Variants in LDB3 observed in about 807,000 individuals in gnomAD.
LDB3 encodes the protein LIM domain binding 3, also known as LIM domain-binding protein 3.
In LDB3, 49 loss-of-function variants were observed where a neutral mutation model predicts 69.0. That is an observed-to-expected ratio of 0.71 (90% CI 0.56 to 0.90). The LOEUF is 0.90. Ranked by LOEUF, LDB3 falls within the 40% of genes least tolerant of loss-of-function variation. The pLI, the probability that LDB3 is intolerant of heterozygous loss-of-function variation, is 0.00. For synonymous variants in LDB3, 387 were observed against 396.2 expected (o/e 0.98, Z 0.28); for missense variants, 928 against 974.1 (o/e 0.95, Z 0.63).
rs200796750 is a variant in LDB3, at chr10:86,706,683, C to T, written c.1049C>T (p.Thr350Ile). ...CACACTGCCATCGCCTCCGCCTCCA[C>T]CACAGCCCCTGCTTCAAGTCCTGCC... Reference protein sequence around the residue: ...AAHTAIASASTTAPASSPADS... With the variant: ...AAHTAIASASITAPASSPADS... The change falls in exon 8 of 14, where the codon ACC becomes ATC. Residue 350 changes from threonine (T) to isoleucine (I), a missense_variant. Transcript: ENST00000361373. 1.6e-4 allele frequency: 258 copies of T among 1,612,808 alleles called. No individual in the cohort carries two copies. The highest frequency in any genetic ancestry group is 2.1e-4 in the Non-Finnish European group (249 of 1,179,806).
chr10:86,682,943 C>CCCA (rs1382013395), intron 5 of LDB3, among the ~76,000 whole-genome samples: 1 of 152,034 alleles, frequency 6.6e-6, no homozygotes, highest in African/African-American at 2.4e-5. Flanking sequence ...GCTTCCCCAC[C>CCCA]CCCCCAGCTC....
rs374336814 is a variant in LDB3 at position 86,692,566 on chromosome 10, G to T, written c.891G>T (p.Arg297Ser). 9 of 1,614,062 alleles carry T rather than the reference G, an allele frequency of 5.6e-6. No homozygotes were observed. Among genetic ancestry groups the T allele is most frequent in the Middle Eastern group, 1.6e-4 (1 of 6,084 alleles). Residue 297 changes from arginine to serine, a missense_variant, in exon 7 of 14, where the codon AGG (arginine) becomes AGT (serine). By Grantham distance (110) the Arg-to-Ser change is moderately radical. Coordinates refer to ENST00000361373, the MANE Select transcript of LDB3 (RefSeq NM_007078.3). ...ACCCTGATGAAGAAGCTCTGCGAAG[G>T]TCAAGGTAAGTGCCTGGACTCAGGC... is the stretch of plus-strand genomic sequence containing the variant. ...MQDPDEEALR[R>S]SSTPIEHAPV...
intron 9 of LDB3, chr10:86,710,301 T>A: frequency 2.8e-5 from 27 of 975,296 alleles, no homozygotes; most frequent in Non-Finnish European, 3.3e-5. Context: ...CAGAGAAGTC[T>A]TCTCCGGACC....
At chr10:86,688,082 T>A (rs1285868263) in intron 5 of LDB3, among the ~76,000 whole-genome samples, 1 of 143,846 alleles carries the variant, frequency 7.0e-6, no homozygotes, top group East Asian at 2.2e-4. Flanking sequence ...TGTGTGTGTG[T>A]GTATGTGTCT....
intron 13 of LDB3, among the ~76,000 whole-genome samples, chr10:86,726,893 G>C (rs965470120): frequency 6.6e-6 from 1 of 152,128 alleles, no homozygotes; most frequent in African/African-American, 2.4e-5. Flanking sequence ...TGAGGGTTTT[G>C]GGTTGGGGTG....
chr10:86,689,555 C>A (rs572513662), intron 5 of LDB3, among the ~76,000 whole-genome samples: 21 of 152,360 alleles, frequency 1.4e-4, no homozygotes, highest in African/African-American at 4.8e-4. Context: ...TACCTGTGTT[C>A]TTCTTGCCGT....
rs369951995 is a variant in LDB3, at chr10:86,695,855, G to T, written c.896+3284G>T. 5.9e-5 allele frequency among the ~76,000 whole-genome samples: 9 copies of T among 152,172 alleles called. No individual in the cohort carries two copies. The South Asian group carries it at 1.4e-3, about 25-fold the overall frequency. On this transcript the variant is annotated intron_variant, in intron 7 of 13. Transcript: ENST00000361373. ...GCGAGGCATCTGGATCCCACTGCTG[G>T]GGGGAACTATCCAGGATGTAGCCCA... is the stretch of plus-strand genomic sequence containing the variant.
At chr10:86,710,856 C>A (rs1017538973) in intron 9 of LDB3, among the ~76,000 whole-genome samples, 3 of 152,240 alleles carry the variant, frequency 2.0e-5, no homozygotes, top group African/African-American at 7.2e-5. Context: ...GTGCCACGGC[C>A]TGCTCTGCTC....
At position 86,685,682 on chromosome 10, in the gene LDB3, T is replaced by G. The variant is rs2132390366; in HGVS notation, c.689+3879T>G. Reference sequence around the variant, plus strand: ...CTTTGCCCTTTTCCTCCCCAGGTGGTAGTCAACTCTCCAGCCAAGTTAGTA... The same window carrying G: ...CTTTGCCCTTTTCCTCCCCAGGTGGGAGTCAACTCTCCAGCCAAGTTAGTA... On this transcript the variant is annotated intron_variant, in intron 5 of 13. Transcript: ENST00000361373. 1.2e-6 allele frequency: 2 copies of G among 1,614,136 alleles called. No individual in the cohort carries two copies. The highest frequency in any genetic ancestry group is 1.7e-6 in the Non-Finnish European group (2 of 1,180,010).
chr10:86,692,557 T>C lies in LDB3; in HGVS notation c.882T>C (p.Ala294=). 1 of 1,614,236 alleles carries C rather than the reference T, an allele frequency of 6.2e-7. No homozygotes were observed. The highest frequency in any genetic ancestry group is 8.5e-7 in the Non-Finnish European group (1 of 1,180,022). The change falls in exon 7 of 14, where the codon GCT becomes GCC. Residue 294 remains alanine, a synonymous_variant. Transcript: ENST00000361373. ...CAGTGCAAGACCCTGATGAAGAAGCTCTGCGAAGGTCAAGGTAAGTGCCTG... is the reference window on the plus strand; with the variant it reads ...CAGTGCAAGACCCTGATGAAGAAGCCCTGCGAAGGTCAAGGTAAGTGCCTG... ...TEFMQDPDEE[A]LRRSSTPIEH...
intron 2 of LDB3, among the ~76,000 whole-genome samples, chr10:86,671,082 C>T (rs192356648): frequency 1.6e-4 from 25 of 152,240 alleles, no homozygotes; most frequent in African/African-American, 6.0e-4. Context: ...GGACCTGAGC[C>T]TGTGCCATAG....
Position 86,716,638 on chromosome 10 carries a change from C to T in LDB3, c.1543C>T (p.Pro515Ser), listed in dbSNP as rs1413862843. ...STTSISKQTL[P>S]RGGPAYTPAG... ...CACCTCCATCAGCAAGCAGACCCTG[C>T]CCCGGGGAGGCCCAGCCTACACCCC... is the stretch of plus-strand genomic sequence containing the variant. Residue 515 changes from proline (P) to serine (S), a missense_variant, in exon 10 of 14, where the codon CCC becomes TCC. By Grantham distance (74) the Pro-to-Ser change is moderately conservative. Transcript: ENST00000361373. The T allele has an allele frequency of 1.2e-6, 2 of 1,613,876 alleles. No homozygotes were observed. Among genetic ancestry groups the T allele is most frequent in the African/African-American group, 1.3e-5 (1 of 74,864 alleles).
chr10:86,697,309 C>T (rs984360090), intron 7 of LDB3, among the ~76,000 whole-genome samples: 8 of 149,832 alleles, frequency 5.3e-5, no homozygotes, highest in Non-Finnish European at 1.2e-4. Flanking sequence ...GCAACCTCCA[C>T]CACCCAGGCT....
At chr10:86,677,055 G>C (rs1239153352) in intron 2 of LDB3, among the ~76,000 whole-genome samples, 3 of 152,244 alleles carry the variant, frequency 2.0e-5, no homozygotes, top group African/African-American at 7.2e-5. Context: ...GCCCAGAGAA[G>C]CCCAGAGGAC....
intron 13 of LDB3, chr10:86,732,373 T>C (rs937763680): frequency 2.7e-6 from 1 of 371,182 alleles, no homozygotes. Flanking sequence ...CATTTGATTT[T>C]ATTCTGTTCT....
chr10:86,728,187 G>A (rs1377316052), intron 13 of LDB3, among the ~76,000 whole-genome samples: 1 of 152,118 alleles, frequency 6.6e-6, no homozygotes, highest in Non-Finnish European at 1.5e-5. Context: ...TGCACATCTG[G>A]TTACCCAACT....
chr10:86,713,950 G>C (rs972480095), intron 9 of LDB3, among the ~76,000 whole-genome samples: 2 of 152,148 alleles, frequency 1.3e-5, no homozygotes, highest in African/African-American at 4.8e-5. Flanking sequence ...GGCGCTACCA[G>C]TCTAACTGGG....
Position 86,716,426 on chromosome 10 carries a change from C to T in LDB3, c.1331C>T (p.Ala444Val). The T allele has an allele frequency of 6.4e-7, 1 of 1,565,330 alleles. No homozygotes were observed. Among genetic ancestry groups the T allele is most frequent in the East Asian group, 2.3e-5 (1 of 43,158 alleles). ...GCCTACACCCCCTCCCCTGCCCCTG[C>T]CTACACCCCCTCACCTGTCCCCACC... ...APAYTPSPAPAYTPSPVPTYT... is the reference protein window; with the variant it reads ...APAYTPSPAPVYTPSPVPTYT... The change falls in exon 10 of 14, where the codon GCC becomes GTC. Residue 444 changes from alanine (A) to valine (V), a missense_variant. Physicochemically the swap from Ala to Val is moderately conservative, Grantham distance 64. Transcript: ENST00000361373.
intron 7 of LDB3, among the ~76,000 whole-genome samples, chr10:86,697,215 C>CTTTTTTTTTTT (rs34215720): frequency 6.4e-5 from 5 of 77,782 alleles, no homozygotes; most frequent in South Asian, 5.9e-4. Context: ...TAGCAATTCA[C>CTTTTTTTTTTT]TTTTTTTTTT....
Sources: gnomAD v4.1 joint callset for allele counts (sites outside exome capture counted in the v4.1 genomes callset) on GRCh38, gnomAD v4.1.1 for gene constraint, MANE v1.5 for transcripts, NCBI Gene and HGNC (gene_info 2026-07-23, HGNC 2026-07-21) for gene names.